The following PTPRN2 variants were observed in gnomAD, a reference collection of about 807,000 sequenced individuals.
The protein encoded by PTPRN2 is receptor-type tyrosine-protein phosphatase N2.
PTPRN2 carries 74 observed loss-of-function variants against 118.8 expected under a neutral mutation model. That is an observed-to-expected ratio of 0.62 (90% CI 0.52 to 0.76). The LOEUF is 0.76. Among genes scored for constraint, PTPRN2 ranks in the 30% least tolerant of loss-of-function variants. The pLI, the probability that PTPRN2 is intolerant of heterozygous loss-of-function variation, is 0.00. For synonymous variants in PTPRN2, 641 were observed against 608.0 expected (o/e 1.05, Z -0.80); for missense variants, 1,481 against 1,394.4 (o/e 1.06, Z -0.99).
At chr7:157,719,482 G>A (rs781614595) in intron 12 of PTPRN2, among the ~76,000 whole-genome samples, 5 of 152,250 alleles carry the variant, frequency 3.3e-5, no homozygotes, top group South Asian at 2.1e-4. Context: ...AGGACAGCCC[G>A]GCTCCGGCCA....
intron 11 of PTPRN2, among the ~76,000 whole-genome samples, chr7:158,041,817 C>A (rs185952975): frequency 5.9e-5 from 9 of 152,336 alleles, no homozygotes; most frequent in Admixed American, 5.9e-4. Flanking sequence ...GAGGCCAGCT[C>A]TAAGTCTTTG....
At chr7:158,554,501 T>TTC (rs143007768) in intron 1 of PTPRN2, among the ~76,000 whole-genome samples, 4,947 of 151,510 alleles carry the variant, frequency 0.033, 116 homozygotes, top group Middle Eastern at 0.058. Flanking sequence ...TTTATCTGTG[T>TTC]TCTCTCTCTC....
chr7:158,569,302 C>T, intron 1 of PTPRN2, among the ~76,000 whole-genome samples: 1 of 152,336 alleles, frequency 6.6e-6, no homozygotes, highest in East Asian at 1.9e-4. Context: ...AACGCACCGG[C>T]TTTGGGTTGT....
chr7:157,904,551 A>G (rs1046774738), intron 11 of PTPRN2, among the ~76,000 whole-genome samples: 2 of 152,242 alleles, frequency 1.3e-5, no homozygotes, highest in Non-Finnish European at 2.9e-5. Flanking sequence ...CGGGTCCCGG[A>G]GTCCCCAGAG....
At chr7:158,404,307 A>G (rs1169417625) in intron 2 of PTPRN2, among the ~76,000 whole-genome samples, 1 of 152,204 alleles carries the variant, frequency 6.6e-6, no homozygotes, top group Non-Finnish European at 1.5e-5. Flanking sequence ...CTAGCCAGGA[A>G]CACATGCGGA....
In PTPRN2 at chr7:157,687,315, A is replaced by T. The variant is rs1409921342; in HGVS notation, c.1789-4378T>A. Among the ~76,000 whole-genome samples the T allele has an allele frequency of 3.4e-5, 5 of 147,746 alleles. No individual in the cohort carries two copies. In the East Asian group the frequency reaches 1.0e-3, roughly 29 times the overall value. ...AGCTGATACAGCCACACAAATACAA[A>T]ACTTTATGGTAAATATGTGTTGACG... is the stretch of plus-strand genomic sequence containing the variant. On this transcript the variant is annotated intron_variant, in intron 12 of 22. Transcript: ENST00000389418.
At chr7:157,616,205 C>A (rs754682079) in intron 15 of PTPRN2, 1 of 154,082 alleles carries the variant, frequency 6.5e-6, no homozygotes, top group Non-Finnish European at 1.4e-5. Flanking sequence ...ACCAACCTAT[C>A]GGTTCAGTTT....
At chr7:158,351,650 A>G (rs999302383) in intron 2 of PTPRN2, among the ~76,000 whole-genome samples, 1 of 152,282 alleles carries the variant, frequency 6.6e-6, no homozygotes, top group East Asian at 1.9e-4. Context: ...AAGAGAGTGC[A>G]ACTCAACAAC....
chr7:158,340,902 GAA>G (rs1806623068), intron 2 of PTPRN2, among the ~76,000 whole-genome samples: 1 of 87,494 alleles, frequency 1.1e-5, no homozygotes, highest in Non-Finnish European at 2.4e-5. Flanking sequence ...GCTGACACCC[GAA>G]GTCAGTCACA....
At chr7:157,822,433 T>A (rs1292616791) in intron 12 of PTPRN2, among the ~76,000 whole-genome samples, 2 of 151,888 alleles carry the variant, frequency 1.3e-5, no homozygotes, top group Non-Finnish European at 2.9e-5. Context: ...CATCTATCCA[T>A]CTATATACTA....
At chr7:158,341,783 G>A (rs1360915580) in intron 2 of PTPRN2, among the ~76,000 whole-genome samples, 2 of 139,804 alleles carry the variant, frequency 1.4e-5, no homozygotes, top group South Asian at 2.3e-4. Context: ...ACCTGCAGAC[G>A]TCACTCACAC....
At position 158,364,615 on chromosome 7, in the gene PTPRN2, C is replaced by T. The variant is rs111962107; in HGVS notation, c.164-47683G>A. ...ATGTTCAATTAAACATCAGACTTCACGCTGACACGCTGAGAGTGAGGATCT... is the reference window on the plus strand; with the variant it reads ...ATGTTCAATTAAACATCAGACTTCATGCTGACACGCTGAGAGTGAGGATCT... On this transcript the variant is annotated intron_variant, in intron 2 of 22. Coordinates refer to ENST00000389418, the MANE Select transcript of PTPRN2 (RefSeq NM_002847.5). Among the ~76,000 whole-genome samples, 1,106 of 152,330 alleles carry T rather than the reference C, an allele frequency of 7.3e-3. 18 individuals are homozygous for T. The highest frequency in any genetic ancestry group is 0.025 in the African/African-American group (1,024 of 41,582).
In PTPRN2 at chr7:158,192,597, G is replaced by A. The variant is rs369642974; in HGVS notation, c.381-102C>T. ...GGGTGCATGCAAGGGGCTGGGAGCC[G>A]GGCTCTCGGTGGCCGGCCTGGCCTT... On this transcript the variant is annotated intron_variant, in intron 4 of 22. Coordinates refer to ENST00000389418, the MANE Select transcript of PTPRN2 (RefSeq NM_002847.5). 474 of 1,356,770 alleles carry A rather than the reference G, an allele frequency of 3.5e-4. 2 individuals carry two copies. Among genetic ancestry groups the A allele is most frequent in the Middle Eastern group, 9.1e-4 (5 of 5,502 alleles). 84.0% of individuals were successfully genotyped at this position (1,356,770 alleles called of 1,614,324 possible). A position where few individuals can be genotyped will look rare whatever the true frequency, so the allele number is the denominator to read the frequency against.
rs1236276458 is a variant in PTPRN2, at chr7:157,645,067, G to A, written c.2196+11290C>T. Among the ~76,000 whole-genome samples the A allele has an allele frequency of 3.9e-5, 6 of 152,194 alleles. No individual in the cohort carries two copies. The South Asian group carries it at 6.2e-4, about 16-fold the overall frequency. On this transcript the variant is annotated intron_variant, in intron 14 of 22. Transcript: ENST00000389418. ...CAGAGGTGACTGTGGCTGTGATGACGGACACGGAGGAGACGAACAGGAGCA... is the reference window on the plus strand; with the variant it reads ...CAGAGGTGACTGTGGCTGTGATGACAGACACGGAGGAGACGAACAGGAGCA...
At chr7:158,004,730 C>A (rs139985241) in intron 11 of PTPRN2, among the ~76,000 whole-genome samples, 57 of 152,286 alleles carry the variant, frequency 3.7e-4, no homozygotes, top group African/African-American at 1.3e-3. Flanking sequence ...GTTTTACAAA[C>A]CATCTCCTTC....
intron 3 of PTPRN2, among the ~76,000 whole-genome samples, chr7:158,209,544 T>A (rs1321386443): frequency 6.6e-6 from 1 of 152,222 alleles, no homozygotes; most frequent in East Asian, 1.9e-4. Context: ...TCCAGATATA[T>A]AAAACAAATT....
chr7:157,606,270 T>C (rs1225892077), intron 15 of PTPRN2, among the ~76,000 whole-genome samples: 2 of 152,184 alleles, frequency 1.3e-5, no homozygotes, highest in Non-Finnish European at 2.9e-5. Flanking sequence ...GCAAGGATCT[T>C]CTTCCTGGGT....
intron 11 of PTPRN2, among the ~76,000 whole-genome samples, chr7:157,930,900 T>A (rs1441625793): frequency 6.7e-5 from 6 of 89,620 alleles, no homozygotes; most frequent in Admixed American, 4.0e-4. Flanking sequence ...TTTTTTTTCG[T>A]TTTTTTTTGT....
chr7:157,994,638 CCGT>C (rs1804553501), intron 11 of PTPRN2, among the ~76,000 whole-genome samples: 2 of 148,686 alleles, frequency 1.3e-5, no homozygotes, highest in African/African-American at 2.5e-5. Flanking sequence ...AAAATCAACG[CCGT>C]GTCCCCAGCT....
Sources: allele counts gnomAD v4.1 joint callset (sites outside exome capture counted in the v4.1 genomes callset), GRCh38; gene constraint gnomAD v4.1.1; transcripts MANE v1.5; gene names NCBI Gene and HGNC (gene_info 2026-07-23, HGNC 2026-07-21).